The following USP6 variants were observed in gnomAD, a reference collection of about 807,000 sequenced individuals.
USP6 encodes ubiquitin carboxyl-terminal hydrolase 6.
A neutral mutation model predicts 175.7 loss-of-function variants in USP6; 128 were observed. That is an observed-to-expected ratio of 0.73 (90% CI 0.63 to 0.84). USP6 has a LOEUF of 0.84. USP6 is among the 40% of genes least tolerant of loss of function. The probability of loss-of-function intolerance (pLI) is 0.00; values close to 1 mark genes in which losing one functional copy is unlikely to be tolerated. For synonymous variants in USP6, 562 were observed against 630.6 expected, an observed-to-expected ratio of 0.89 and a Z score of 1.63; for missense variants, 1,498 against 1,760.3, an observed-to-expected ratio of 0.85 and a Z score of 2.67.
chr17:5,141,597 C>G, intron 23 of USP6, 98 bp downstream of exon 23: 1 of 1,103,814 alleles, frequency 9.1e-7, no homozygotes, highest in Non-Finnish European at 1.3e-6. Context: ...TTTTCTAGTT[C>G]AAAAGTAATT....
At chr17:5,152,716 G>GT (rs763061978) in intron 30 of USP6, among the ~76,000 whole-genome samples, 1 of 152,128 alleles carries the variant, frequency 6.6e-6, no homozygotes, top group Non-Finnish European at 1.5e-5. Flanking sequence ...AAAGAATTAG[G>GT]GTAGGCACAG....
Position 5,174,858 on chromosome 17 carries a change from AAT to A in USP6, c.*1882_*1883del, listed in dbSNP as rs2074291953. 1 of 191,226 alleles carries A rather than the reference AAT, an allele frequency of 5.2e-6. No individual in the cohort carries two copies. Among genetic ancestry groups the A allele is most frequent in the South Asian group, 1.9e-4 (1 of 5,162 alleles). 11.8% of individuals were successfully genotyped at this position (191,226 alleles called of 1,614,324 possible). A position where few individuals can be genotyped will look rare whatever the true frequency, so the allele number is the denominator to read the frequency against. ...CTTTAGAAAGATGTTAATGTACATAAATAGAGTGTAAATAAAATAGTGTTGAT... is the reference window on the plus strand; with the variant it reads ...CTTTAGAAAGATGTTAATGTACATAAAGAGTGTAAATAAAATAGTGTTGAT... On this transcript the variant is annotated 3_prime_UTR_variant, in exon 38 of 38. Transcript: ENST00000574788.
chr17:5,121,451 C>T lies in USP6; in HGVS notation c.-1598C>T, dbSNP rs1354624895. 4 of 285,876 alleles carry T rather than the reference C, an allele frequency of 1.4e-5. No homozygotes were observed. Among genetic ancestry groups the T allele is most frequent in the Non-Finnish European group, 2.0e-5 (3 of 146,982 alleles). The allele number at this position is 285,876 out of a possible 1,614,324, so 17.7% of individuals were successfully genotyped here. A position where few individuals can be genotyped will look rare whatever the true frequency, so the allele number is the denominator to read the frequency against. Reference sequence around the variant, plus strand: ...GGCAGGATAGAGATATGGAGCTCTACATCTCTGTGCAGAACCTGAGCCATC... The same window carrying T: ...GGCAGGATAGAGATATGGAGCTCTATATCTCTGTGCAGAACCTGAGCCATC... On this transcript the variant is annotated 5_prime_UTR_variant, in exon 4 of 38. Coordinates refer to ENST00000574788, the MANE Select transcript of USP6 (RefSeq NM_001304284.2).
In USP6 at chr17:5,174,260, TAATA is replaced by T. The variant is rs922665202; in HGVS notation, c.*1283_*1286del. ...GTAGAATTTTTTTCATGTAGTTTCT[TAATA>T]TATACTTGAAGGAAATGTTTCACCT... On this transcript the variant is annotated 3_prime_UTR_variant, in exon 38 of 38. Coordinates refer to ENST00000574788, the MANE Select transcript of USP6 (RefSeq NM_001304284.2). 115 of 189,362 alleles carry T rather than the reference TAATA, an allele frequency of 6.1e-4. No homozygotes were observed. Among genetic ancestry groups the T allele is most frequent in the African/African-American group, 2.4e-3 (104 of 43,026 alleles). 11.7% of individuals were successfully genotyped at this position (189,362 alleles called of 1,614,324 possible). A position where few individuals can be genotyped will look rare whatever the true frequency, so the allele number is the denominator to read the frequency against.
intron 30 of USP6, among the ~76,000 whole-genome samples, chr17:5,152,159 T>A (rs1422356242): frequency 1.3e-5 from 2 of 151,848 alleles, no homozygotes; most frequent in African/African-American, 4.8e-5. Context: ...GGAGAATCGC[T>A]TGAACCCCAG....
chr17:5,148,445 C>T, intron 29 of USP6, 111 bp from the exon 30 acceptor site: 3 of 1,234,730 alleles, frequency 2.4e-6, no homozygotes, highest in Non-Finnish European at 3.4e-6. Context: ...TGATTTCTCC[C>T]TGCCCTGTGT....
intron 35 of USP6, among the ~76,000 whole-genome samples, chr17:5,170,255 A>C (rs1171098872): frequency 2.0e-5 from 3 of 152,216 alleles, no homozygotes; most frequent in Non-Finnish European, 4.4e-5. Flanking sequence ...CCTATAATGC[A>C]CTTTACATTT....
At chr17:5,138,924 A>T in intron 21 of USP6, 1 of 1,207,746 alleles carries the variant, frequency 8.3e-7, no homozygotes, top group Non-Finnish European at 1.1e-6. Flanking sequence ...GCTGGGTGAC[A>T]TCCAAGGCCC....
intron 30 of USP6, among the ~76,000 whole-genome samples, chr17:5,149,984 G>A (rs1019993948): frequency 6.6e-5 from 10 of 152,224 alleles, no homozygotes; most frequent in Non-Finnish European, 1.2e-4. Flanking sequence ...TTGGACTTTA[G>A]TGTCCTAATT....
At chr17:5,162,217 T>G (rs998178792) in intron 32 of USP6, among the ~76,000 whole-genome samples, 1 of 152,096 alleles carries the variant, frequency 6.6e-6, no homozygotes, top group African/African-American at 2.4e-5. Context: ...AGTGGCTCAA[T>G]CTTGGCTCAC....
Position 5,132,945 on chromosome 17 carries a change from G to A in USP6, c.231G>A (p.Trp77Ter). The A allele has an allele frequency of 6.2e-7, 1 of 1,614,198 alleles. No individual in the cohort carries two copies. ...IRREMTRTSK[W>*]MEMLGEWETY... ...GGGAGATGACACGAACGAGCAAGTGGATGGAAATGCTGGGAGAATGGGAGA... is the reference window on the plus strand; with the variant it reads ...GGGAGATGACACGAACGAGCAAGTGAATGGAAATGCTGGGAGAATGGGAGA... Residue 77 changes from tryptophan to a stop codon, truncating the protein, a stop_gained, in exon 13 of 38, where the codon TGG becomes TGA. Transcript: ENST00000574788. LOFTEE classifies it high-confidence loss of function. This position sits in a 1 kb window ranked among gnomAD's most constrained non-coding sequence, Gnocchi z 4.7.
chr17:5,132,880 C>T lies in USP6; in HGVS notation c.196-30C>T, dbSNP rs1233527519. 6.2e-7 allele frequency: 1 copy of T among 1,613,564 alleles called. No homozygotes were observed. Among genetic ancestry groups the T allele is most frequent in the Non-Finnish European group, 8.5e-7 (1 of 1,179,616 alleles). ...GGCGGCTCTGGGAAGCCTGGCAGCT[C>T]CACTAACTCCAACATGCCTCATTTG... On this transcript the variant is annotated intron_variant, in intron 12 of 37. Transcript: ENST00000574788. This position sits in a 1 kb window ranked among gnomAD's most constrained non-coding sequence, Gnocchi z 4.7.
chr17:5,137,282 A>G (rs1429723113), intron 19 of USP6, 96 bp downstream of exon 19: 5 of 1,490,848 alleles, frequency 3.4e-6, no homozygotes, highest in Admixed American at 1.7e-5. Context: ...CCCAGCCCAC[A>G]GGAGGCTCAG....
intron 1 of USP6, among the ~76,000 whole-genome samples, chr17:5,117,008 T>C (rs2072552972): frequency 6.6e-6 from 1 of 152,146 alleles, no homozygotes; most frequent in Non-Finnish European, 1.5e-5. Context: ...GGGTAAATAA[T>C]AGGAAGGAAA....
At chr17:5,148,241 C>T (rs1264379986) in intron 29 of USP6, among the ~76,000 whole-genome samples, 6 of 152,088 alleles carry the variant, frequency 3.9e-5, no homozygotes, top group African/African-American at 9.7e-5. Context: ...TCTTCAAAGG[C>T]GAACAGAAGG....
At chr17:5,119,189 G>A (rs1446611502) in intron 2 of USP6, among the ~76,000 whole-genome samples, 1 of 152,138 alleles carries the variant, frequency 6.6e-6, no homozygotes, top group East Asian at 1.9e-4. Flanking sequence ...CTTTTTCTCA[G>A]TTTTGGTCCT....
chr17:5,167,829 AG>A, intron 33 of USP6, 102 bp from the exon 34 acceptor site: 1 of 1,362,130 alleles, frequency 7.3e-7, no homozygotes. Context: ...TTCCTTATAA[AG>A]AGTAAAATAA....
intron 2 of USP6, among the ~76,000 whole-genome samples, chr17:5,120,218 G>A (rs117467274): frequency 1.3e-3 from 197 of 152,224 alleles, no homozygotes; most frequent in Non-Finnish European, 2.2e-3. Flanking sequence ...GGCCTGGCAC[G>A]GTGACACCAA....
At chr17:5,156,338 G>T (rs1193015999) in intron 31 of USP6, among the ~76,000 whole-genome samples, 4 of 140,920 alleles carry the variant, frequency 2.8e-5, no homozygotes, top group African/African-American at 7.9e-5. Context: ...ACAGAGTTTT[G>T]CTCTTGTTGC....
Sources: allele counts gnomAD v4.1 joint callset (sites outside exome capture counted in the v4.1 genomes callset), GRCh38; gene constraint gnomAD v4.1.1; non-coding constraint Gnocchi (gnomAD v3.1); transcripts MANE v1.5; gene names NCBI Gene and HGNC (gene_info 2026-07-23, HGNC 2026-07-21).